The following SLIT3 variants were observed in gnomAD, a reference collection of about 807,000 sequenced individuals.
The protein encoded by SLIT3 is slit guidance ligand 3, also known as slit homolog 3 protein.
SLIT3 carries 68 observed loss-of-function variants against 184.0 expected under a neutral mutation model. The ratio of observed to expected loss-of-function variants is 0.37; its 90% CI spans 0.30 to 0.45. The LOEUF is 0.45. Ranked by LOEUF, SLIT3 falls within the 20% of genes least tolerant of loss-of-function variation. The pLI, the probability that SLIT3 is intolerant of heterozygous loss-of-function variation, is 1.00. For missense variants in SLIT3, 1,707 were observed against 2,026.0 expected (o/e 0.84, Z 3.02); for synonymous variants, 831 against 828.6 (o/e 1.00, Z -0.05).
Position 169,052,720 on chromosome 5 carries a change from G to A in SLIT3, c.413+140759C>T, listed in dbSNP as rs184165826. Among the ~76,000 whole-genome samples, 75 of 152,092 alleles carry A rather than the reference G, an allele frequency of 4.9e-4. 1 individual carries two copies. The East Asian group carries it at 0.01, about 20-fold the overall frequency. ...CCCAATAAGCTATCATTCTATTGCG[G>A]TCCTCTGAGGTTGAACTGGGTTTTA... is the stretch of plus-strand genomic sequence containing the variant. On this transcript the variant is annotated intron_variant, in intron 4 of 35. Transcript: ENST00000519560.
chr5:168,984,187 T>C (rs1438557763), intron 4 of SLIT3, among the ~76,000 whole-genome samples: 2 of 152,070 alleles, frequency 1.3e-5, no homozygotes, highest in Non-Finnish European at 2.9e-5. Flanking sequence ...AAAATAATGA[T>C]AGAACTTTAG....
intron 5 of SLIT3, among the ~76,000 whole-genome samples, chr5:168,860,689 C>G (rs1363276222): frequency 6.6e-6 from 1 of 152,150 alleles, no homozygotes; most frequent in East Asian, 1.9e-4. Flanking sequence ...ACACACCAAG[C>G]CAGCCTTTAC....
chr5:169,157,672 G>A (rs1762355610), intron 4 of SLIT3, among the ~76,000 whole-genome samples: 1 of 152,188 alleles, frequency 6.6e-6, no homozygotes, highest in Non-Finnish European at 1.5e-5. Flanking sequence ...CACTCATCAT[G>A]CAGTGAATAA....
intron 4 of SLIT3, among the ~76,000 whole-genome samples, chr5:168,905,004 T>TAAAATA (rs1385103898): frequency 2.6e-5 from 4 of 151,902 alleles, no homozygotes; most frequent in East Asian, 1.9e-4. Flanking sequence ...CCATCTCTAC[T>TAAAATA]AAAATAAAAA....
chr5:169,275,153 G>A (rs960201687), intron 1 of SLIT3, among the ~76,000 whole-genome samples: 6 of 152,184 alleles, frequency 3.9e-5, no homozygotes, highest in East Asian at 1.9e-4. Context: ...AGTAGCTGCT[G>A]AGATTGGTAC....
At chr5:168,897,025 C>T (rs1030648636) in intron 4 of SLIT3, among the ~76,000 whole-genome samples, 4 of 152,346 alleles carry the variant, frequency 2.6e-5, no homozygotes, top group Admixed American at 1.3e-4. Context: ...ACCACTAAAA[C>T]AAATTCCTTA....
intron 18 of SLIT3, chr5:168,752,735 G>A (rs1754759332): frequency 1.8e-6 from 1 of 551,252 alleles, no homozygotes; most frequent in Non-Finnish European, 3.2e-6. Flanking sequence ...CATGCTTTCT[G>A]TGGCAATTCA....
At chr5:169,166,113 C>A (rs1762629513) in intron 4 of SLIT3, among the ~76,000 whole-genome samples, 1 of 152,056 alleles carries the variant, frequency 6.6e-6, no homozygotes. Context: ...CCAAGCACTA[C>A]ATTCTTTCAC....
intron 1 of SLIT3, among the ~76,000 whole-genome samples, chr5:169,261,914 C>G (rs1766200551): frequency 6.6e-6 from 1 of 152,198 alleles, no homozygotes; most frequent in Non-Finnish European, 1.5e-5. Context: ...GTTTGGGAGG[C>G]CCACATGCCA....
rs980410120 is a variant in SLIT3 at position 169,104,044 on chromosome 5, T to C, written c.413+89435A>G. On this transcript the variant is annotated intron_variant, in intron 4 of 35. Coordinates refer to ENST00000519560, the MANE Select transcript of SLIT3 (RefSeq NM_003062.4). ...CTCCCGAATCCAGTTCCAAAAACAA[T>C]ACTGGGCCTGATGCATTAGCCCTGA... 3.3e-5 allele frequency among the ~76,000 whole-genome samples: 5 copies of C among 152,228 alleles called. No homozygotes were observed. In the East Asian group the frequency reaches 5.8e-4, roughly 18 times the overall value.
intron 1 of SLIT3, among the ~76,000 whole-genome samples, chr5:169,276,852 T>G (rs368531050): frequency 3.3e-5 from 5 of 152,372 alleles, no homozygotes; most frequent in Admixed American, 2.0e-4. Flanking sequence ...TTTTCCTCCT[T>G]TATAAAGCAG....
intron 4 of SLIT3, among the ~76,000 whole-genome samples, chr5:168,992,088 G>A (rs1755349828): frequency 6.6e-6 from 1 of 152,132 alleles, no homozygotes; most frequent in South Asian, 2.1e-4. Flanking sequence ...TTACCCTTTG[G>A]CCCAAAGCCA....
chr5:168,876,259 TCTC>T (rs1436010462), intron 5 of SLIT3, among the ~76,000 whole-genome samples: 5 of 152,028 alleles, frequency 3.3e-5, no homozygotes, highest in Admixed American at 2.6e-4. Context: ...ACTGCACAAG[TCTC>T]CTCTCTGCCC....
intron 4 of SLIT3, among the ~76,000 whole-genome samples, chr5:168,910,111 A>T (rs1761205999): frequency 6.6e-6 from 1 of 152,254 alleles, no homozygotes; most frequent in African/African-American, 2.4e-5. Context: ...CAAGCTTCTT[A>T]AAAGAATTGT....
intron 21 of SLIT3, 23 bp from the exon 22 acceptor site, chr5:168,723,027 G>A (rs1762993052): frequency 1.3e-6 from 2 of 1,597,574 alleles, no homozygotes; most frequent in East Asian, 2.2e-5. Context: ...AAACAGAGGG[G>A]TCATGCTTTT....
chr5:169,290,152 A>C (rs1462365477), intron 1 of SLIT3, among the ~76,000 whole-genome samples: 2 of 145,586 alleles, frequency 1.4e-5, no homozygotes, highest in African/African-American at 5.2e-5. Flanking sequence ...CACACTAGGA[A>C]ATATGCTAGG....
intron 4 of SLIT3, among the ~76,000 whole-genome samples, chr5:169,081,305 A>T (rs955662949): frequency 6.6e-6 from 1 of 152,160 alleles, no homozygotes; most frequent in Non-Finnish European, 1.5e-5. Context: ...GAGAGGAAGG[A>T]GGTTTCATGC....
Position 169,021,509 on chromosome 5 carries a change from C to T in SLIT3, c.414-138173G>A, listed in dbSNP as rs976990339. 4.6e-5 allele frequency among the ~76,000 whole-genome samples: 7 copies of T among 152,170 alleles called. No individual in the cohort carries two copies. In the South Asian group the frequency reaches 1.5e-3, roughly 32 times the overall value. On this transcript the variant is annotated intron_variant, in intron 4 of 35. Coordinates refer to ENST00000519560, the MANE Select transcript of SLIT3 (RefSeq NM_003062.4). ...GGGATTACAGGCACCAGCCACCATG[C>T]CTGGCTAATTTTTGTATTTTTAGTA...
At chr5:169,103,232 A>G (rs891851965) in intron 4 of SLIT3, among the ~76,000 whole-genome samples, 3 of 152,268 alleles carry the variant, frequency 2.0e-5, no homozygotes, top group Non-Finnish European at 4.4e-5. Context: ...GAAATAGTGA[A>G]AACTGCTTTT....
Sources: allele counts gnomAD v4.1 joint callset (sites outside exome capture counted in the v4.1 genomes callset), GRCh38; gene constraint gnomAD v4.1.1; transcripts MANE v1.5; gene names NCBI Gene and HGNC (gene_info 2026-07-23, HGNC 2026-07-21).